FBXO33: variants seen among roughly 807,000 people sequenced by gnomAD.
The protein encoded by FBXO33 is F-box only protein 33.
In FBXO33, 22 loss-of-function variants were observed where a neutral mutation model predicts 46.3. The observed-to-expected ratio is 0.48, with a 90% CI of 0.34 to 0.68. FBXO33 has a LOEUF of 0.68. Among genes scored for constraint, FBXO33 ranks in the 30% least tolerant of loss-of-function variants. The pLI is 0.01. For synonymous variants in FBXO33, 337 were observed against 291.3 expected (o/e 1.16, Z -1.60); for missense variants, 692 against 708.8 (o/e 0.98, Z 0.27).
In FBXO33 at chr14:39,432,062, T is replaced by C. The variant is rs1314785778; in HGVS notation, c.101A>G (p.Gln34Arg). The C allele has an allele frequency of 1.7e-5, 20 of 1,199,818 alleles. No homozygotes were observed. In the Admixed American group the frequency reaches 6.9e-4, roughly 41 times the overall value. 74.3% of individuals were successfully genotyped at this position (1,199,818 alleles called of 1,614,324 possible). ...VARWRRLRLQ[Q>R]LRRLRGLLRV... ...GAGCAGCCCCCGCAGCCGTCGCAGC[T>C]GCTGCAGCCGCAGCCGCCGCCACCG... The change falls in exon 1 of 4, where the codon CAG (glutamine) becomes CGG (arginine). Residue 34 changes from glutamine (Q) to arginine (R), a missense_variant. Coordinates refer to ENST00000298097, the MANE Select transcript of FBXO33 (RefSeq NM_203301.4).
rs550195394 is a variant in FBXO33, at chr14:39,430,908, C to G, written c.599+656G>C. ...CTGGCCAACTCCCTCGCTGCCCGCC[C>G]GCCTCCTCCGCCCGACTGTTACTTT... is the stretch of plus-strand genomic sequence containing the variant. On this transcript the variant is annotated intron_variant, in intron 1 of 3. Coordinates refer to ENST00000298097, the MANE Select transcript of FBXO33 (RefSeq NM_203301.4). 2.3e-4 allele frequency among the ~76,000 whole-genome samples: 35 copies of G among 152,220 alleles called. No homozygotes were observed. In the East Asian group the frequency reaches 6.2e-3, roughly 27 times the overall value.
chr14:39,414,934 G>A (rs147066157), intron 1 of FBXO33, among the ~76,000 whole-genome samples: 1 of 152,264 alleles, frequency 6.6e-6, no homozygotes, highest in Non-Finnish European at 1.5e-5. Flanking sequence ...GTGGGCAACT[G>A]TAATTGGCCT....
At chr14:39,400,712 CA>C (rs1388104261) in intron 3 of FBXO33, among the ~76,000 whole-genome samples, 2 of 152,076 alleles carry the variant, frequency 1.3e-5, no homozygotes, top group Non-Finnish European at 2.9e-5. Context: ...GAACAGGTCA[CA>C]TTAAAATGAA....
chr14:39,420,143 T>C (rs1342632392), intron 1 of FBXO33, among the ~76,000 whole-genome samples: 1 of 152,240 alleles, frequency 6.6e-6, no homozygotes, highest in Non-Finnish European at 1.5e-5. Flanking sequence ...ATGTATATTG[T>C]GTGCCAATGA....
At chr14:39,426,675 A>G (rs928775775) in intron 1 of FBXO33, among the ~76,000 whole-genome samples, 1 of 152,156 alleles carries the variant, frequency 6.6e-6, no homozygotes, top group Non-Finnish European at 1.5e-5. Context: ...CGAACAGACC[A>G]AAAATTTGTC....
At chr14:39,407,628 T>A (rs1360859113) in intron 1 of FBXO33, among the ~76,000 whole-genome samples, 1 of 152,158 alleles carries the variant, frequency 6.6e-6, no homozygotes, top group Non-Finnish European at 1.5e-5. Flanking sequence ...TATAGTAGGA[T>A]TTCTCTCTTT....
intron 1 of FBXO33, among the ~76,000 whole-genome samples, chr14:39,406,181 T>TA (rs929453832): frequency 7.9e-5 from 12 of 151,778 alleles, no homozygotes; most frequent in South Asian, 2.1e-4. Flanking sequence ...AAAAGAAAAA[T>TA]AAAAAAAATT....
chr14:39,405,242 A>C (rs1444582016), intron 1 of FBXO33, among the ~76,000 whole-genome samples: 1 of 152,170 alleles, frequency 6.6e-6, no homozygotes, highest in Non-Finnish European at 1.5e-5. Flanking sequence ...ATGAGTTAAG[A>C]AAGTATTTTA....
chr14:39,432,040 C>G lies in FBXO33; in HGVS notation c.123G>C (p.Leu41=), dbSNP rs2075561847. The change falls in exon 1 of 4, where the codon CTG becomes CTC. Residue 41 remains leucine (L), a synonymous_variant. Coordinates refer to ENST00000298097, the MANE Select transcript of FBXO33 (RefSeq NM_203301.4). ...RLQQLRRLRG[L]LRVLRGRPGA... ...CCGGCCGCCCCCGCAGTACCCGGAG[C>G]AGCCCCCGCAGCCGTCGCAGCTGCT... 7.7e-7 allele frequency: 1 copy of G among 1,292,216 alleles called. No homozygotes were observed. The highest frequency in any genetic ancestry group is 1.6e-5 in the African/African-American group (1 of 64,286). 80.0% of individuals were successfully genotyped at this position (1,292,216 alleles called of 1,614,324 possible).
In FBXO33 at chr14:39,399,375, AAGT is replaced by A; in HGVS notation, c.*138_*140del. 1 of 718,374 alleles carries A rather than the reference AAGT, an allele frequency of 1.4e-6. No individual in the cohort carries two copies. Among genetic ancestry groups the A allele is most frequent in the Non-Finnish European group, 2.2e-6 (1 of 464,094 alleles). The allele number at this position is 718,374 out of a possible 1,614,324, so 44.5% of individuals were successfully genotyped here. A position where few individuals can be genotyped will look rare whatever the true frequency, so the allele number is the denominator to read the frequency against. On this transcript the variant is annotated 3_prime_UTR_variant, in exon 4 of 4. Transcript: ENST00000298097. ...TACCCGACTACGTTCTTTGATCAAG[AAGT>A]AGAATATACATATATAATTCTATAA...
intron 1 of FBXO33, among the ~76,000 whole-genome samples, chr14:39,417,691 C>A (rs1350600919): frequency 6.6e-6 from 1 of 152,102 alleles, no homozygotes; most frequent in Non-Finnish European, 1.5e-5. Flanking sequence ...CCACCATGCC[C>A]AGCTAATTTT....
intron 1 of FBXO33, among the ~76,000 whole-genome samples, chr14:39,408,938 GCTA>G (rs368314066): frequency 2.2e-4 from 34 of 151,816 alleles, no homozygotes; most frequent in African/African-American, 8.0e-4. Flanking sequence ...ACCACACCCA[GCTA>G]CTTTTTGTAT....
intron 1 of FBXO33, among the ~76,000 whole-genome samples, chr14:39,415,491 G>C (rs2075443694): frequency 6.6e-6 from 1 of 152,126 alleles, no homozygotes; most frequent in South Asian, 2.1e-4. Context: ...GCCTGTATGT[G>C]TTTTTGCTGT....
chr14:39,410,385 C>A (rs980506162), intron 1 of FBXO33, among the ~76,000 whole-genome samples: 3 of 152,098 alleles, frequency 2.0e-5, no homozygotes, highest in Non-Finnish European at 4.4e-5. Flanking sequence ...GGGATAAATC[C>A]CATTTAGGAT....
At chr14:39,414,569 A>T (rs566297010) in intron 1 of FBXO33, among the ~76,000 whole-genome samples, 2 of 152,346 alleles carry the variant, frequency 1.3e-5, no homozygotes, top group South Asian at 4.1e-4. Flanking sequence ...AAGCTTAATC[A>T]TTTCTAGCTT....
chr14:39,415,483 CTGTA>C (rs1401697230), intron 1 of FBXO33, among the ~76,000 whole-genome samples: 2 of 152,082 alleles, frequency 1.3e-5, no homozygotes, highest in African/African-American at 2.4e-5. Context: ...CAAGGTATGC[CTGTA>C]TGTGTTTTTG....
Position 39,402,796 on chromosome 14 carries a change from C to T in FBXO33, c.600-285G>A, listed in dbSNP as rs191779845. Among the ~76,000 whole-genome samples the T allele has an allele frequency of 3.6e-3, 549 of 151,786 alleles. 1 individual carries two copies. Among genetic ancestry groups the T allele is most frequent in the Middle Eastern group, 6.8e-3 (2 of 294 alleles). On this transcript the variant is annotated intron_variant, in intron 1 of 3. Transcript: ENST00000298097. ...CTCCCGGGTTCACACCATTCTCCTG[C>T]CTCAGCCTCCCGACTAGCTGGGACT...
chr14:39,418,740 A>G (rs1489430991), intron 1 of FBXO33, among the ~76,000 whole-genome samples: 1 of 147,658 alleles, frequency 6.8e-6, no homozygotes, highest in East Asian at 2.0e-4. Context: ...GCGCCACTGC[A>G]CTCCAGCCTG....
At chr14:39,415,800 C>T (rs562418851) in intron 1 of FBXO33, among the ~76,000 whole-genome samples, 3 of 151,894 alleles carry the variant, frequency 2.0e-5, no homozygotes, top group East Asian at 1.9e-4. Flanking sequence ...CCAAGTAGCT[C>T]GGTTTACAGG....
Sources: gnomAD v4.1 joint callset for allele counts (sites outside exome capture counted in the v4.1 genomes callset) on GRCh38, gnomAD v4.1.1 for gene constraint, MANE v1.5 for transcripts, NCBI Gene and HGNC (gene_info 2026-07-23, HGNC 2026-07-21) for gene names.